APLP1: variants seen among roughly 807,000 people sequenced by gnomAD.
APLP1 encodes the protein amyloid beta precursor like protein 1, also known as amyloid beta (A4) precursor-like protein 1.
APLP1 carries 46 observed loss-of-function variants against 84.5 expected under a neutral mutation model. That is an observed-to-expected ratio of 0.54 (90% CI 0.43 to 0.70). APLP1 has a LOEUF of 0.70. Among genes scored for constraint, APLP1 ranks in the 30% least tolerant of loss-of-function variants. The pLI is 0.00. For synonymous variants in APLP1, 376 were observed against 364.0 expected, an observed-to-expected ratio of 1.03 and a Z score of -0.38; for missense variants, 826 against 900.2, an observed-to-expected ratio of 0.92 and a Z score of 1.05.
At chr19:35,870,001 A>G (rs907247653) in intron 2 of APLP1, among the ~76,000 whole-genome samples, 191 bp downstream of exon 2, 2 of 151,672 alleles carry the variant, frequency 1.3e-5, no homozygotes, top group African/African-American at 4.9e-5. Context: ...GCCGCGAGAT[A>G]GCCAGAGAGG....
chr19:35,873,245 C>CT lies in APLP1; in HGVS notation c.982-375dup, dbSNP rs74172771. ...CTTAAGGGATCTGGGGCCTTTAAAT[C>CT]TTTTTTTTTTTTTTTTTTTGAGACA... On this transcript the variant is annotated intron_variant, in intron 7 of 16. Coordinates refer to ENST00000221891, the MANE Select transcript of APLP1 (RefSeq NM_001024807.3). Among the ~76,000 whole-genome samples, 833 of 125,818 alleles carry CT rather than the reference C, an allele frequency of 6.6e-3. 8 individuals carry two copies. The highest frequency in any genetic ancestry group is 0.013 in the African/African-American group (448 of 34,186). The allele number at this position is 125,818 out of a possible 152,430, so 82.5% of individuals were successfully genotyped here. A position where few individuals can be genotyped will look rare whatever the true frequency, so the allele number is the denominator to read the frequency against.
In APLP1 at chr19:35,868,612, G is replaced by A. The variant is rs1439845462; in HGVS notation, c.-25G>A. 1.5e-6 allele frequency: 2 copies of A among 1,301,630 alleles called. No individual in the cohort carries two copies. Among genetic ancestry groups the A allele is most frequent in the Non-Finnish European group, 1.9e-6 (2 of 1,027,034 alleles). 80.6% of individuals were successfully genotyped at this position (1,301,630 alleles called of 1,614,324 possible). A position where few individuals can be genotyped will look rare whatever the true frequency, so the allele number is the denominator to read the frequency against. ...GGCCGGGCCGGGCGGGAGTGCAGGG[G>A]ACGTGAGGGCGCAAGGGCCGGGACA... is the stretch of plus-strand genomic sequence containing the variant. On this transcript the variant is annotated 5_prime_UTR_variant, in exon 1 of 17. Transcript: ENST00000221891. This position sits in a 1 kb window ranked among gnomAD's most constrained non-coding sequence, Gnocchi z 5.2.
In APLP1 at chr19:35,868,726, T is replaced by G. The variant is rs1974050847; in HGVS notation, c.90T>G (p.Leu30=). ...LPLLLPLLLL[L]LRAQPAIGSL... ...TGCTGCTGCCACTATTGCTGCTGCT[T>G]CTGCGCGCGCAGCCCGCCATCGGGA... The change falls in exon 1 of 17, where the codon CTT becomes CTG. Residue 30 remains leucine, a synonymous_variant. Transcript: ENST00000221891. This position sits in a 1 kb window ranked among gnomAD's most constrained non-coding sequence, Gnocchi z 5.2. The G allele has an allele frequency of 1.4e-6, 2 of 1,399,936 alleles. No homozygotes were observed. Among genetic ancestry groups the G allele is most frequent in the African/African-American group, 3.0e-5 (2 of 65,888 alleles). The allele number at this position is 1,399,936 out of a possible 1,614,324, so 86.7% of individuals were successfully genotyped here.
rs771090937 is a variant in APLP1 at position 35,872,494 on chromosome 19, C to T, written c.862C>T (p.Pro288Ser). 1.2e-6 allele frequency: 2 copies of T among 1,612,890 alleles called. No individual in the cohort carries two copies. The highest frequency in any genetic ancestry group is 1.3e-5 in the African/African-American group (1 of 75,002). The change falls in exon 7 of 17, where the codon CCG (proline) becomes TCG (serine). Residue 288 changes from proline (P) to serine (S), a missense_variant. Around this residue, in one of 3 missense-constraint regions of APLP1, gnomAD observed 433 missense variants for 496.5 expected, o/e 0.87. Coordinates refer to ENST00000221891, the MANE Select transcript of APLP1 (RefSeq NM_001024807.3). ...LAVVGKVTPT[P>S]RPTDGVDIYF... The stretch of plus-strand genomic sequence containing the variant: ...CCCTGGTCTTGCAGTCACTCCCACC[C>T]CGAGGCCCACAGACGGTGTGGATAT...
intron 7 of APLP1, 33 bp downstream of exon 7, chr19:35,872,646 A>G: frequency 6.3e-7 from 1 of 1,590,290 alleles, no homozygotes. Context: ...GACCCCCTAC[A>G]GTACAGAGCT....
In APLP1 at chr19:35,868,703, C is replaced by T; in HGVS notation, c.67C>T (p.Leu23=). The part of the protein sequence containing the change: ...RRPGQPPLPL[L]LPLLLLLLRA... ...CCCGGGCCAGCCGCCGCTGCCGCTGCTGCTGCCACTATTGCTGCTGCTTCT... is the reference window on the plus strand; with the variant it reads ...CCCGGGCCAGCCGCCGCTGCCGCTGTTGCTGCCACTATTGCTGCTGCTTCT... Residue 23 remains leucine (L), a synonymous_variant, in exon 1 of 17, where the codon CTG becomes TTG. Transcript: ENST00000221891. The surrounding 1 kb of genome is among the most constrained non-coding windows in gnomAD (Gnocchi z 5.2). 1.4e-6 allele frequency: 2 copies of T among 1,417,860 alleles called. No individual in the cohort carries two copies. Among genetic ancestry groups the T allele is most frequent in the Non-Finnish European group, 1.8e-6 (2 of 1,090,122 alleles). 87.8% of individuals were successfully genotyped at this position (1,417,860 alleles called of 1,614,324 possible). A position where few individuals can be genotyped will look rare whatever the true frequency, so the allele number is the denominator to read the frequency against.
intron 1 of APLP1, 80 bp from the exon 2 acceptor site, chr19:35,869,587 C>G (rs1427190253): frequency 6.4e-7 from 1 of 1,558,950 alleles, no homozygotes; most frequent in Non-Finnish European, 8.7e-7. Context: ...CTGGGGGTCT[C>G]GGTCCTAGGG....
At chr19:35,871,175 C>T (rs898913354) in intron 3 of APLP1, 62 bp from the exon 4 acceptor site, 16 of 1,562,290 alleles carry the variant, frequency 1.0e-5, no homozygotes, top group Non-Finnish European at 1.4e-5. Flanking sequence ...TATCTGGATT[C>T]TGAGGAGGGT....
At chr19:35,877,921 C>T in intron 12 of APLP1, 96 bp downstream of exon 12, 1 of 1,314,250 alleles carries the variant, frequency 7.6e-7, no homozygotes, top group South Asian at 1.3e-5. Flanking sequence ...TTCACCACCA[C>T]AGTGACTGGG....
chr19:35,875,937 C>T (rs1047627701), intron 10 of APLP1, among the ~76,000 whole-genome samples: 8 of 151,090 alleles, frequency 5.3e-5, no homozygotes, highest in Non-Finnish European at 8.8e-5. Context: ...CAATAACTTG[C>T]ACCAATCTAA....
At position 35,868,811 on chromosome 19, in the gene APLP1, G is replaced by T; in HGVS notation, c.147+28G>T. 1.6e-6 allele frequency: 2 copies of T among 1,275,356 alleles called. No individual in the cohort carries two copies. Among genetic ancestry groups the T allele is most frequent in the Non-Finnish European group, 2.0e-6 (2 of 1,010,394 alleles). 79.0% of individuals were successfully genotyped at this position (1,275,356 alleles called of 1,614,324 possible). On this transcript the variant is annotated intron_variant, in intron 1 of 16. Transcript: ENST00000221891. This position sits in a 1 kb window ranked among gnomAD's most constrained non-coding sequence, Gnocchi z 5.2. Reference sequence around the variant, plus strand: ...GAGGCCGGGCCGGGTCCTGGGGGATGGGGGAAGGGGCGGGACCGGGTCTCT... The same window carrying T: ...GAGGCCGGGCCGGGTCCTGGGGGATTGGGGAAGGGGCGGGACCGGGTCTCT...
chr19:35,879,526 A>C lies in APLP1; in HGVS notation c.*85A>C. On this transcript the variant is annotated 3_prime_UTR_variant, in exon 17 of 17. Coordinates refer to ENST00000221891, the MANE Select transcript of APLP1 (RefSeq NM_001024807.3). ...ACCCCAACTCCCAGCCTAGGGCAGC[A>C]GGGAGTCTTGAAGTGATCATTTCAC... 8.3e-7 allele frequency: 1 copy of C among 1,211,334 alleles called. No homozygotes were observed. The highest frequency in any genetic ancestry group is 1.2e-6 in the Non-Finnish European group (1 of 828,354). 75.0% of individuals were successfully genotyped at this position (1,211,334 alleles called of 1,614,324 possible). A position where few individuals can be genotyped will look rare whatever the true frequency, so the allele number is the denominator to read the frequency against.
chr19:35,878,493 C>A, intron 13 of APLP1, 91 bp from the exon 14 acceptor site: 1 of 1,345,504 alleles, frequency 7.4e-7, no homozygotes, highest in Non-Finnish European at 1.1e-6. Flanking sequence ...CTGCAGTGAG[C>A]TGAGATCATG....
At position 35,868,750 on chromosome 19, in the gene APLP1, G is replaced by C; in HGVS notation, c.114G>C (p.Gly38=). 7.3e-7 allele frequency: 1 copy of C among 1,363,000 alleles called. No homozygotes were observed. Among genetic ancestry groups the C allele is most frequent in the East Asian group, 3.1e-5 (1 of 32,226 alleles). The allele number at this position is 1,363,000 out of a possible 1,614,324, so 84.4% of individuals were successfully genotyped here. A position where few individuals can be genotyped will look rare whatever the true frequency, so the allele number is the denominator to read the frequency against. The change falls in exon 1 of 17, where the codon GGG becomes GGC. Residue 38 remains glycine (G), a synonymous_variant. Transcript: ENST00000221891. This position sits in a 1 kb window ranked among gnomAD's most constrained non-coding sequence, Gnocchi z 5.2. ...LLLLRAQPAI[G]SLAGGSPGAA... is the part of the protein sequence containing the mutation. ...TTCTGCGCGCGCAGCCCGCCATCGG[G>C]AGCCTGGCCGGTGGGAGCCCCGGCG...
rs764015849 is a variant in APLP1, at chr19:35,876,513, A to C, written c.1345-4A>C. 3 of 1,612,320 alleles carry C rather than the reference A, an allele frequency of 1.9e-6. No individual in the cohort carries two copies. The African/African-American group carries it at 4.0e-5, about 22-fold the overall frequency. ...GTTCATCCTTCATGTCCACTCACCC[A>C]CAGGTGCATACCCACCTTCAAGTGA... On this transcript the variant is annotated splice_region_variant and splice_polypyrimidine_tract_variant and intron_variant, in intron 10 of 16. Transcript: ENST00000221891.
chr19:35,869,051 G>T, intron 1 of APLP1: 1 of 340,240 alleles, frequency 2.9e-6, no homozygotes, highest in Non-Finnish European at 5.2e-6. Flanking sequence ...AGACCCAGGT[G>T]ACTCGGCCCC....
At position 35,869,633 on chromosome 19, in the gene APLP1, C is replaced by G. The variant is rs750491837; in HGVS notation, c.148-34C>G. 1.9e-6 allele frequency: 3 copies of G among 1,608,304 alleles called. No homozygotes were observed. In the Admixed American group the frequency reaches 5.1e-5, roughly 27 times the overall value. On this transcript the variant is annotated intron_variant, in intron 1 of 16. Coordinates refer to ENST00000221891, the MANE Select transcript of APLP1 (RefSeq NM_001024807.3). Reference sequence around the variant, plus strand: ...CAGGGGACCCTCATGCCAACGCCCCCCGAGCCCTCACTGTCCTTTCCACTT... The same window carrying G: ...CAGGGGACCCTCATGCCAACGCCCCGCGAGCCCTCACTGTCCTTTCCACTT...
intron 11 of APLP1, among the ~76,000 whole-genome samples, chr19:35,877,036 GC>G (rs1453642440): frequency 6.6e-6 from 1 of 152,156 alleles, no homozygotes; most frequent in African/African-American, 2.4e-5. Flanking sequence ...TAAGGCTTGG[GC>G]CCACATTCTA....
chr19:35,874,303 T>C lies in APLP1; in HGVS notation c.1057-201T>C, dbSNP rs1974228042. Among the ~76,000 whole-genome samples the C allele has an allele frequency of 6.6e-6, 1 of 152,174 alleles. No homozygotes were observed. The highest frequency in any genetic ancestry group is 1.5e-5 in the Non-Finnish European group (1 of 68,028). On this transcript the variant is annotated intron_variant, in intron 8 of 16. Transcript: ENST00000221891. The surrounding 1 kb of genome is among the most constrained non-coding windows in gnomAD (Gnocchi z 6.4). The stretch of plus-strand genomic sequence containing the variant: ...AATCTTACAGTTTACATCCTCACAT[T>C]GGCTCCCAGTGGGCCTAGTCCCACC...
Sources: allele counts gnomAD v4.1 joint callset (sites outside exome capture counted in the v4.1 genomes callset), GRCh38; gene constraint gnomAD v4.1.1; regional missense constraint gnomAD v4.1.1; non-coding constraint Gnocchi (gnomAD v3.1); transcripts MANE v1.5; gene names NCBI Gene and HGNC (gene_info 2026-07-23, HGNC 2026-07-21).